Variants in CEP126 observed in about 807,000 individuals in gnomAD.
CEP126 encodes the protein centrosomal protein of 126 kDa.
Under a neutral mutation model 107.8 loss-of-function variants are expected in CEP126, and 74 were observed. The observed-to-expected ratio is 0.69, with a 90% CI of 0.57 to 0.83. The LOEUF (loss-of-function observed/expected upper bound fraction) is 0.83. CEP126 is among the 40% of genes least tolerant of loss of function. CEP126 has a pLI of 0.00. For synonymous variants in CEP126, 449 were observed against 446.0 expected, an observed-to-expected ratio of 1.01 and a Z score of -0.08; for missense variants, 1,237 against 1,281.9, an observed-to-expected ratio of 0.96 and a Z score of 0.53.
intron 2 of CEP126, 41 bp from the exon 3 acceptor site, chr11:101,944,224 T>A: frequency 6.7e-7 from 1 of 1,487,194 alleles, no homozygotes; most frequent in Non-Finnish European, 8.9e-7. Context: ...TTTCTAAACT[T>A]ACCACCTATT....
chr11:101,927,094 G>C (rs1345432175), intron 2 of CEP126, among the ~76,000 whole-genome samples: 1 of 152,190 alleles, frequency 6.6e-6, no homozygotes, highest in Non-Finnish European at 1.5e-5. Context: ...TTGAGGTCAG[G>C]AGTTCAAGAC....
intron 3 of CEP126, among the ~76,000 whole-genome samples, chr11:101,945,075 C>CA (rs1940717333): frequency 6.6e-6 from 1 of 152,132 alleles, no homozygotes; most frequent in Admixed American, 6.5e-5. Context: ...AAAGATCTCA[C>CA]AACCTGTTTT....
chr11:101,919,924 T>C (rs925467163), intron 1 of CEP126, among the ~76,000 whole-genome samples: 2 of 152,242 alleles, frequency 1.3e-5, no homozygotes, highest in African/African-American at 4.8e-5. Context: ...TTGTCACTTT[T>C]AATACCTAGA....
chr11:101,983,756 C>A (rs1299885800), intron 8 of CEP126, among the ~76,000 whole-genome samples: 4 of 152,102 alleles, frequency 2.6e-5, no homozygotes, highest in Admixed American at 1.3e-4. Flanking sequence ...ATGAGACAGC[C>A]CCTACAAGAA....
In CEP126 at chr11:101,986,932, GA is replaced by G; in HGVS notation, c.3138del (p.Lys1046AsnfsTer6). 1 of 1,613,706 alleles carries G rather than the reference GA, an allele frequency of 6.2e-7. No individual in the cohort carries two copies. Among genetic ancestry groups the G allele is most frequent in the Non-Finnish European group, 8.5e-7 (1 of 1,179,754 alleles). The part of the protein sequence containing the change: ...LTVLNSKQIQ[K>X]SNLPLNKTQQ... ...CTGTCTTGAATAGCAAACAGATACA[GA>G]AATCAAATCTACCTTTAAATAAAAC... On this transcript the variant is annotated frameshift_variant, in exon 9 of 11. Transcript: ENST00000263468. LOFTEE classifies it high-confidence loss of function.
chr11:101,954,893 G>A (rs1177420638), intron 4 of CEP126, among the ~76,000 whole-genome samples: 2 of 152,096 alleles, frequency 1.3e-5, no homozygotes, highest in African/African-American at 4.8e-5. Flanking sequence ...TAATTAAGCT[G>A]AAACCATTGA....
Position 101,987,037 on chromosome 11 carries a change from A to G in CEP126, c.3240A>G (p.Leu1080=), listed in dbSNP as rs1359842375. Residue 1080 remains leucine (L), a synonymous_variant, in exon 9 of 11, where the codon CTA becomes CTG. Transcript: ENST00000263468. Reference sequence around the variant, plus strand: ...CCCTTAATGATCTCAGTGAAAGACTACATTGTAAGTATGGAAGAACACCTT... The same window carrying G: ...CCCTTAATGATCTCAGTGAAAGACTGCATTGTAAGTATGGAAGAACACCTT... ...LESLNDLSER[L]HYIQESICKN... The G allele has an allele frequency of 1.9e-6, 3 of 1,575,890 alleles. No individual in the cohort carries two copies. The South Asian group carries it at 3.3e-5, about 17-fold the overall frequency.
At chr11:101,939,274 T>C (rs571839960) in intron 2 of CEP126, among the ~76,000 whole-genome samples, 13 of 152,318 alleles carry the variant, frequency 8.5e-5, no homozygotes, top group Admixed American at 5.9e-4. Flanking sequence ...TCATACATCT[T>C]TATAATTTTT....
rs1183716082 is a variant in CEP126, at chr11:101,963,223, A to G, written c.2188A>G (p.Lys730Glu). The G allele has an allele frequency of 1.2e-6, 2 of 1,614,056 alleles. No homozygotes were observed. Among genetic ancestry groups the G allele is most frequent in the Non-Finnish European group, 1.7e-6 (2 of 1,180,026 alleles). ...TGCTAAACATGCCTGGCCAGCCTCA[A>G]AAAAAGAAGAAAGTAAAATCCCTGT... ...NFAKHAWPAS[K>E]KEESKIPVHD... Residue 730 changes from lysine to glutamate, a missense_variant, in exon 6 of 11, where the codon AAA becomes GAA. Lys to Glu is a moderately conservative substitution (Grantham distance 56, BLOSUM62 1). Transcript: ENST00000263468.
At position 101,967,725 on chromosome 11, in the gene CEP126, C is replaced by T. The variant is rs371964771; in HGVS notation, c.2845+3845C>T. ...GGGAGGAAAAGTTGTAGTTAGAATA[C>T]ATTAATAAACTTATATAAAAATTTA... On this transcript the variant is annotated intron_variant, in intron 6 of 10. Transcript: ENST00000263468. 1.1e-4 allele frequency among the ~76,000 whole-genome samples: 16 copies of T among 152,192 alleles called. No individual in the cohort carries two copies. In the East Asian group the frequency reaches 2.7e-3, roughly 26 times the overall value.
intron 7 of CEP126, among the ~76,000 whole-genome samples, chr11:101,980,351 A>T (rs894163285): frequency 2.6e-5 from 4 of 152,196 alleles, no homozygotes; most frequent in African/African-American, 7.2e-5. Context: ...TAAAAGTAAT[A>T]TGTAGTTAAT....
intron 4 of CEP126, among the ~76,000 whole-genome samples, chr11:101,951,797 T>C (rs1940816033): frequency 6.6e-6 from 1 of 152,208 alleles, no homozygotes; most frequent in Admixed American, 6.5e-5. Flanking sequence ...CATGTAGAAA[T>C]GTGTAAAAAT....
intron 2 of CEP126, among the ~76,000 whole-genome samples, chr11:101,929,782 G>A (rs1199491888): frequency 2.6e-5 from 4 of 152,100 alleles, no homozygotes; most frequent in Non-Finnish European, 5.9e-5. Flanking sequence ...GAGGGTTGAG[G>A]GCACATTGTT....
At chr11:101,988,715 G>T (rs1022867095) in intron 9 of CEP126, among the ~76,000 whole-genome samples, 5 of 151,916 alleles carry the variant, frequency 3.3e-5, no homozygotes, top group Non-Finnish European at 5.9e-5. Flanking sequence ...AAGAAGGGGG[G>T]TGAATTAAAA....
At chr11:101,950,404 G>A (rs1201886547) in intron 4 of CEP126, among the ~76,000 whole-genome samples, 1 of 152,190 alleles carries the variant, frequency 6.6e-6, no homozygotes, top group Non-Finnish European at 1.5e-5. Context: ...TCGCAGTCTA[G>A]AAAGGTAGAG....
chr11:101,987,251 T>A lies in CEP126; in HGVS notation c.3244+210T>A, dbSNP rs1021920168. Among the ~76,000 whole-genome samples the A allele has an allele frequency of 9.2e-5, 14 of 152,350 alleles. No individual in the cohort carries two copies. In the South Asian group the frequency reaches 1.9e-3, roughly 20 times the overall value. On this transcript the variant is annotated intron_variant, in intron 9 of 10. Transcript: ENST00000263468. ...GATGTCAACTTCTTTGGCAGACTTA[T>A]CTGTCTTTTCAGAATATATGAATAG...
At chr11:101,954,175 G>A (rs942961417) in intron 4 of CEP126, among the ~76,000 whole-genome samples, 2 of 151,858 alleles carry the variant, frequency 1.3e-5, no homozygotes, top group African/African-American at 2.4e-5. Context: ...TTACAGGAAC[G>A]TACCACCACA....
chr11:101,944,530 T>C, intron 3 of CEP126, 120 bp downstream of exon 3: 1 of 946,548 alleles, frequency 1.1e-6, no homozygotes, highest in Non-Finnish European at 1.5e-6. Flanking sequence ...CCAATATGAC[T>C]TTTGAGTAAA....
chr11:101,940,209 A>G (rs1252685329), intron 2 of CEP126, among the ~76,000 whole-genome samples: 1 of 152,234 alleles, frequency 6.6e-6, no homozygotes, highest in Non-Finnish European at 1.5e-5. Context: ...CTAAGTTGGC[A>G]GTTGCAGTGC....
Sources: allele counts gnomAD v4.1 joint callset (sites outside exome capture counted in the v4.1 genomes callset), GRCh38; gene constraint gnomAD v4.1.1; transcripts MANE v1.5; gene names NCBI Gene and HGNC (gene_info 2026-07-23, HGNC 2026-07-21).